Variants in ARHGAP29 observed in about 807,000 individuals in gnomAD.
ARHGAP29 encodes Rho GTPase activating protein 29, also known as rho GTPase-activating protein 29.
In ARHGAP29, 43 loss-of-function variants were observed where a neutral mutation model predicts 122.6. The ratio of observed to expected loss-of-function variants is 0.35; its 90% CI spans 0.27 to 0.45. ARHGAP29 has a LOEUF of 0.45. Ranked by LOEUF, ARHGAP29 falls within the 20% of genes least tolerant of loss-of-function variation. ARHGAP29 has a pLI of 1.00. For synonymous variants in ARHGAP29, 506 were observed against 497.1 expected (o/e 1.02, Z -0.24); for missense variants, 1,303 against 1,477.2 (o/e 0.88, Z 1.93).
intron 12 of ARHGAP29, chr1:94,194,898 C>T (rs1487077525): frequency 6.6e-6 from 1 of 152,184 alleles, no homozygotes; most frequent in Non-Finnish European, 1.5e-5. Flanking sequence ...CAATCAAACA[C>T]ATTTTTTCAT....
chr1:94,234,479 C>T (rs1373462797), intron 1 of ARHGAP29, among the ~76,000 whole-genome samples: 1 of 152,082 alleles, frequency 6.6e-6, no homozygotes. Flanking sequence ...TATTATTGCT[C>T]CTCCTGATTA....
chr1:94,181,518 T>C (rs1439314717), intron 19 of ARHGAP29, among the ~76,000 whole-genome samples: 2 of 152,040 alleles, frequency 1.3e-5, no homozygotes, highest in African/African-American at 4.8e-5. Context: ...GGTACCACAC[T>C]CTAGGCAAGG....
At chr1:94,217,281 C>T (rs547207694) in intron 3 of ARHGAP29, among the ~76,000 whole-genome samples, 3 of 152,230 alleles carry the variant, frequency 2.0e-5, no homozygotes, top group African/African-American at 7.2e-5. Context: ...TGCCTGTAAT[C>T]CCAGCACTTT....
chr1:94,251,627 G>T (rs1385980279), intron 1 of ARHGAP29, among the ~76,000 whole-genome samples: 1 of 152,068 alleles, frequency 6.6e-6, no homozygotes, highest in Non-Finnish European at 1.5e-5. Context: ...TCTTCCCCAG[G>T]TACCCCAAAG....
Position 94,179,977 on chromosome 1 carries a change from T to A in ARHGAP29, c.2248-20A>T. 1 of 1,534,978 alleles carries A rather than the reference T, an allele frequency of 6.5e-7. No homozygotes were observed. Among genetic ancestry groups the A allele is most frequent in the Non-Finnish European group, 8.8e-7 (1 of 1,130,092 alleles). On this transcript the variant is annotated intron_variant, in intron 19 of 22. Coordinates refer to ENST00000260526, the MANE Select transcript of ARHGAP29 (RefSeq NM_004815.4). The stretch of plus-strand genomic sequence containing the variant: ...TGGGAGCTAAAGAAATAAAATTACA[T>A]TGGGGTAAGCATTCTATTTTTTTCT...
chr1:94,286,394 A>G, the ARHGAP29 span, among the ~76,000 whole-genome samples: 3 of 152,188 alleles, frequency 2.0e-5, no homozygotes, highest in African/African-American at 4.8e-5. Flanking sequence ...TAGTCTGAGC[A>G]TGGTGGCTCA....
the ARHGAP29 span, among the ~76,000 whole-genome samples, chr1:94,305,972 C>T: frequency 6.6e-6 from 1 of 152,330 alleles, no homozygotes; most frequent in South Asian, 2.1e-4. Flanking sequence ...AGAGTCTACA[C>T]TGGAACAACA....
chr1:94,294,049 T>C, the ARHGAP29 span, among the ~76,000 whole-genome samples: 1 of 152,182 alleles, frequency 6.6e-6, no homozygotes, highest in Non-Finnish European at 1.5e-5. Context: ...AAAGATGTCA[T>C]TGTAGAGTTT....
chr1:94,245,829 T>C (rs906913262), intron 1 of ARHGAP29, among the ~76,000 whole-genome samples: 28 of 152,122 alleles, frequency 1.8e-4, no homozygotes, highest in African/African-American at 4.6e-4. Context: ...TTCTTTAGGG[T>C]GACTTCTGGG....
the ARHGAP29 span, among the ~76,000 whole-genome samples, chr1:94,281,531 A>T: frequency 4.6e-5 from 7 of 152,220 alleles, no homozygotes; most frequent in Non-Finnish European, 1.0e-4. Flanking sequence ...ACTCAGGAAC[A>T]TATCAAAGCA....
intron 3 of ARHGAP29, among the ~76,000 whole-genome samples, chr1:94,215,104 G>GAAAAAAAAAAAAA (rs199693229): frequency 1.2e-5 from 1 of 83,654 alleles, no homozygotes. Context: ...GCATGAAAAG[G>GAAAAAAAAAAAAA]AAAAAAAAAA....
intron 20 of ARHGAP29, among the ~76,000 whole-genome samples, chr1:94,178,955 A>T (rs190843286): frequency 1.5e-4 from 23 of 152,312 alleles, no homozygotes; most frequent in African/African-American, 5.5e-4. Flanking sequence ...CCACCAAGAT[A>T]CAACTTGGTT....
At chr1:94,186,683 G>T in intron 15 of ARHGAP29, 86 bp from the exon 16 acceptor site, 1 of 987,514 alleles carries the variant, frequency 1.0e-6, no homozygotes, top group Non-Finnish European at 1.6e-6. Flanking sequence ...GAAATAACAC[G>T]TCATACTATT....
upstream of ARHGAP29, among the ~76,000 whole-genome samples, chr1:94,241,888 T>C (rs1653604883): frequency 6.6e-6 from 1 of 151,772 alleles, no homozygotes; most frequent in African/African-American, 2.4e-5. Flanking sequence ...CTCTGAGAGA[T>C]GGGATCATAA....
chr1:94,192,487 G>T (rs1172132083), intron 12 of ARHGAP29: 2 of 152,124 alleles, frequency 1.3e-5, no homozygotes, highest in Non-Finnish European at 2.9e-5. Flanking sequence ...AAACTCCCTG[G>T]TTTCTTTTGT....
At chr1:94,196,256 CTTTTT>C (rs917635883) in intron 12 of ARHGAP29, among the ~76,000 whole-genome samples, 2 of 91,150 alleles carry the variant, frequency 2.2e-5, no homozygotes, top group Admixed American at 1.6e-4. Flanking sequence ...CCGTGTTTTT[CTTTTT>C]TTTTTTTTTT....
rs1650980220 is a variant in ARHGAP29 at position 94,203,278 on chromosome 1, C to A, written c.763-68G>T. Reference sequence around the variant, plus strand: ...CACTAGAATTCCAAACACATCACTACCCTTCTTCAAAAAGGGAAACTAAGT... The same window carrying A: ...CACTAGAATTCCAAACACATCACTAACCTTCTTCAAAAAGGGAAACTAAGT... On this transcript the variant is annotated intron_variant, in intron 8 of 22. Transcript: ENST00000260526. 4 of 1,104,280 alleles carry A rather than the reference C, an allele frequency of 3.6e-6. No homozygotes were observed. The Admixed American group carries it at 1.1e-4, about 30-fold the overall frequency. The allele number at this position is 1,104,280 out of a possible 1,614,324, so 68.4% of individuals were successfully genotyped here.
At chr1:94,202,079 G>A in intron 11 of ARHGAP29, 2 of 451,826 alleles carry the variant, frequency 4.4e-6, no homozygotes, top group Non-Finnish European at 7.6e-6. Context: ...TAAAATATTT[G>A]CTTCTATTTG....
chr1:94,206,255 A>C (rs924233426), intron 5 of ARHGAP29, among the ~76,000 whole-genome samples: 1 of 152,160 alleles, frequency 6.6e-6, no homozygotes, highest in African/African-American at 2.4e-5. Context: ...AATTTTATTT[A>C]ACTATTATAA....
Sources: allele counts gnomAD v4.1 joint callset (sites outside exome capture counted in the v4.1 genomes callset), GRCh38; gene constraint gnomAD v4.1.1; transcripts MANE v1.5; gene names NCBI Gene and HGNC (gene_info 2026-07-23, HGNC 2026-07-21).